Variants in DMRT1 observed in about 807,000 individuals in gnomAD.
DMRT1 encodes the protein doublesex and mab-3 related transcription factor 1, also known as doublesex- and mab-3-related transcription factor 1.
Under a neutral mutation model 32.3 loss-of-function variants are expected in DMRT1, and 7 were observed. The observed-to-expected ratio is 0.22, with a 90% CI of 0.12 to 0.41. The LOEUF (loss-of-function observed/expected upper bound fraction) is 0.41, where lower values mean the gene tolerates loss of function less well. DMRT1 is among the 10% of genes least tolerant of loss of function. The pLI, the probability that DMRT1 is intolerant of heterozygous loss-of-function variation, is 1.00. For missense variants in DMRT1, 625 were observed against 500.5 expected (o/e 1.25, Z -2.37); for synonymous variants, 278 against 206.1 (o/e 1.35, Z -2.99).
At chr9:861,169 A>G (rs1368058336) in intron 2 of DMRT1, among the ~76,000 whole-genome samples, 1 of 151,406 alleles carries the variant, frequency 6.6e-6, no homozygotes, top group Non-Finnish European at 1.5e-5. Context: ...AAACATGTGA[A>G]CAAAGGTCTC....
chr9:959,252 G>A (rs1172183219), intron 4 of DMRT1, among the ~76,000 whole-genome samples: 1 of 152,220 alleles, frequency 6.6e-6, no homozygotes, highest in Non-Finnish European at 1.5e-5. Context: ...TGGTGTGTGT[G>A]GCCAACCCAG....
chr9:921,970 T>C (rs761690822), intron 4 of DMRT1, among the ~76,000 whole-genome samples: 3 of 152,142 alleles, frequency 2.0e-5, no homozygotes, highest in Non-Finnish European at 4.4e-5. Flanking sequence ...AGCATCAACT[T>C]TCCAGGCTCA....
chr9:902,576 C>A (rs1274123441), intron 3 of DMRT1, among the ~76,000 whole-genome samples: 2 of 151,398 alleles, frequency 1.3e-5, no homozygotes, highest in Admixed American at 1.3e-4. Flanking sequence ...GCAACCTCTG[C>A]CTCCCGGGTT....
chr9:864,738 G>A (rs1253276487), intron 2 of DMRT1, among the ~76,000 whole-genome samples: 6 of 151,068 alleles, frequency 4.0e-5, no homozygotes, highest in Admixed American at 2.6e-4. Context: ...CTAACCTTGC[G>A]ATCCGCCCAC....
At chr9:844,953 C>G (rs1208661872) in intron 1 of DMRT1, among the ~76,000 whole-genome samples, 1 of 152,036 alleles carries the variant, frequency 6.6e-6, no homozygotes, top group Non-Finnish European at 1.5e-5. Flanking sequence ...AACTCCTGAC[C>G]TCAGGTGATC....
intron 2 of DMRT1, among the ~76,000 whole-genome samples, chr9:866,534 A>G (rs1052229235): frequency 6.6e-6 from 1 of 152,146 alleles, no homozygotes; most frequent in Non-Finnish European, 1.5e-5. Context: ...AACACTCTCA[A>G]AACTTGTGTT....
chr9:846,933 G>A, intron 1 of DMRT1, 27 bp from the exon 2 acceptor site: 1 of 1,613,916 alleles, frequency 6.2e-7, no homozygotes, highest in East Asian at 2.2e-5. Context: ...GAGTGCTGGA[G>A]GATGACTCAT....
At chr9:937,303 A>C (rs34723874) in intron 4 of DMRT1, among the ~76,000 whole-genome samples, 1 of 147,872 alleles carries the variant, frequency 6.8e-6, no homozygotes, top group Admixed American at 6.7e-5. Context: ...GCTGCTGTGA[A>C]GTTTGGTGTA....
chr9:923,167 T>C (rs903938885), intron 4 of DMRT1, among the ~76,000 whole-genome samples: 1 of 152,148 alleles, frequency 6.6e-6, no homozygotes, highest in African/African-American at 2.4e-5. Context: ...AGACTTGGAC[T>C]TTTAGGAAAA....
intron 2 of DMRT1, among the ~76,000 whole-genome samples, chr9:852,495 T>C (rs948537922): frequency 5.3e-5 from 8 of 152,118 alleles, no homozygotes; most frequent in Non-Finnish European, 1.0e-4. Flanking sequence ...TTATTTAATA[T>C]TCTACTTTTT....
At chr9:941,379 C>G (rs945416170) in intron 4 of DMRT1, among the ~76,000 whole-genome samples, 1 of 138,372 alleles carries the variant, frequency 7.2e-6, no homozygotes, top group African/African-American at 2.6e-5. Flanking sequence ...GAAAATCTGA[C>G]TCATGTTATA....
At chr9:946,317 C>G (rs937185804) in intron 4 of DMRT1, among the ~76,000 whole-genome samples, 2 of 152,044 alleles carry the variant, frequency 1.3e-5, no homozygotes, top group African/African-American at 4.8e-5. Flanking sequence ...TTGGTATTAT[C>G]CAACATGTAC....
intron 2 of DMRT1, among the ~76,000 whole-genome samples, chr9:878,629 A>G (rs1816608820): frequency 6.6e-6 from 1 of 152,190 alleles, no homozygotes; most frequent in Non-Finnish European, 1.5e-5. Flanking sequence ...GGTGCAGCCC[A>G]GCCCTCCTGC....
chr9:853,640 T>G (rs947891936), intron 2 of DMRT1, among the ~76,000 whole-genome samples: 2 of 151,830 alleles, frequency 1.3e-5, no homozygotes, highest in African/African-American at 4.8e-5. Flanking sequence ...ACCTGGCTAA[T>G]TTTTGTATTT....
At position 841,967 on chromosome 9, in the gene DMRT1, C is replaced by T; in HGVS notation, c.129C>T (p.Ser43=). The part of the protein sequence containing the change: ...KASGALVGAA[S]GSSAGGSSRG... ...CTGGGGCGCTAGTGGGGGCGGCCAG[C>T]GGCTCGAGCGCCGGGGGCAGCAGCA... The change falls in exon 1 of 5, where the codon AGC becomes AGT. Residue 43 remains serine (S), a synonymous_variant. Coordinates refer to ENST00000382276, the MANE Select transcript of DMRT1 (RefSeq NM_021951.3). The T allele has an allele frequency of 1.9e-6, 3 of 1,586,158 alleles. No individual in the cohort carries two copies. The highest frequency in any genetic ancestry group is 2.6e-6 in the Non-Finnish European group (3 of 1,167,076).
intron 2 of DMRT1, among the ~76,000 whole-genome samples, chr9:851,353 C>T (rs976612213): frequency 1.3e-5 from 2 of 152,136 alleles, no homozygotes; most frequent in African/African-American, 4.8e-5. Context: ...ATTCTCTCAC[C>T]TCAGCCTCTT....
intron 2 of DMRT1, among the ~76,000 whole-genome samples, chr9:860,745 G>C (rs775017423): frequency 6.6e-6 from 1 of 152,232 alleles, no homozygotes; most frequent in African/African-American, 2.4e-5. Context: ...GGTCAAAGAA[G>C]GGAGGCCTCT....
At chr9:874,801 CTTTTTTTT>C (rs71327354) in intron 2 of DMRT1, among the ~76,000 whole-genome samples, 6 of 76,948 alleles carry the variant, frequency 7.8e-5, no homozygotes, top group African/African-American at 2.4e-4. Context: ...ACAAGTTAAT[CTTTTTTTT>C]TTTTTTTTTT....
Position 894,146 on chromosome 9 carries a change from G to T in DMRT1, c.773G>T (p.Arg258Leu), listed in dbSNP as rs779441983. 1.2e-6 allele frequency: 2 copies of T among 1,614,110 alleles called. No homozygotes were observed. Among genetic ancestry groups the T allele is most frequent in the South Asian group, 2.2e-5 (2 of 91,088 alleles). Reference protein sequence around the residue: ...LGGSPVKNSLRGLPGPYVPGQ... With the variant: ...LGGSPVKNSLLGLPGPYVPGQ... ...GGATCCCCTGTGAAGAACAGCCTTCGGGGCCTCCCCGGACCTTATGTGCCT... is the reference window on the plus strand; with the variant it reads ...GGATCCCCTGTGAAGAACAGCCTTCTGGGCCTCCCCGGACCTTATGTGCCT... The change falls in exon 3 of 5, where the codon CGG becomes CTG. Residue 258 changes from arginine (R) to leucine (L), a missense_variant. Arg to Leu is a moderately radical substitution (Grantham distance 102, BLOSUM62 -2). Around this residue, in one of 3 missense-constraint regions of DMRT1, gnomAD observed 416 missense variants for 321.6 expected, o/e 1.29. Transcript: ENST00000382276.
Sources: allele counts gnomAD v4.1 joint callset (sites outside exome capture counted in the v4.1 genomes callset), GRCh38; gene constraint gnomAD v4.1.1; regional missense constraint gnomAD v4.1.1; transcripts MANE v1.5; gene names NCBI Gene and HGNC (gene_info 2026-07-23, HGNC 2026-07-21).